ARHGAP24: variants seen among roughly 807,000 people sequenced by gnomAD.
The protein encoded by ARHGAP24 is Rho GTPase activating protein 24.
In ARHGAP24, 50 loss-of-function variants were observed where a neutral mutation model predicts 76.4. The ratio of observed to expected loss-of-function variants is 0.65; its 90% confidence interval spans 0.52 to 0.83. The LOEUF (loss-of-function observed/expected upper bound fraction) is 0.83, where lower values mean the gene tolerates loss of function less well. Ranked by LOEUF, ARHGAP24 falls within the 40% of genes least tolerant of loss-of-function variation. The pLI is 0.00. For synonymous variants in ARHGAP24, 345 were observed against 323.3 expected (o/e 1.07, Z -0.72); for missense variants, 930 against 914.2 (o/e 1.02, Z -0.22).
chr4:85,801,251 G>T (rs1455280282), intron 3 of ARHGAP24, among the ~76,000 whole-genome samples: 1 of 152,052 alleles, frequency 6.6e-6, no homozygotes, highest in Non-Finnish European at 1.5e-5. Flanking sequence ...ATGCCCACCA[G>T]ATTAGTAGAA....
At chr4:85,475,837 A>G (rs1273343861) in intron 1 of ARHGAP24, among the ~76,000 whole-genome samples, 4 of 151,752 alleles carry the variant, frequency 2.6e-5, no homozygotes, top group African/African-American at 7.3e-5. Context: ...AGCTGGTAGT[A>G]TGTCTTTCTG....
chr4:85,894,094 TATA>T (rs968926157), intron 3 of ARHGAP24, among the ~76,000 whole-genome samples: 4 of 17,004 alleles, frequency 2.4e-4, no homozygotes, highest in Admixed American at 7.6e-4. Flanking sequence ...AAACTTAGAG[TATA>T]ATAAAAAAAA....
At chr4:85,924,344 A>G (rs1735900307) in intron 4 of ARHGAP24, among the ~76,000 whole-genome samples, 2 of 152,140 alleles carry the variant, frequency 1.3e-5, no homozygotes, top group South Asian at 4.1e-4. Context: ...TATGCATAGA[A>G]CTGAACAAAG....
At chr4:85,997,344 AG>A in intron 9 of ARHGAP24, among the ~76,000 whole-genome samples, 1 of 137,620 alleles carries the variant, frequency 7.3e-6, no homozygotes, top group African/African-American at 3.6e-5. Flanking sequence ...AGATAGATAG[AG>A]AGATAGATAA....
At chr4:85,958,154 C>A (rs1037088513) in intron 5 of ARHGAP24, among the ~76,000 whole-genome samples, 37 of 152,160 alleles carry the variant, frequency 2.4e-4, no homozygotes, top group African/African-American at 8.9e-4. Flanking sequence ...CTGCCACTTA[C>A]TACCCATGTT....
intron 3 of ARHGAP24, chr4:85,827,808 T>C (rs1729795458): frequency 1.2e-6 from 1 of 823,872 alleles, no homozygotes; most frequent in East Asian, 6.5e-5. Context: ...TGGTTTCCAT[T>C]CCTGGGTGAT....
At chr4:85,877,035 C>T (rs181154227) in intron 3 of ARHGAP24, among the ~76,000 whole-genome samples, 8 of 152,042 alleles carry the variant, frequency 5.3e-5, no homozygotes, top group South Asian at 2.1e-4. Flanking sequence ...TCATGTAAAT[C>T]GTCAGTTATA....
chr4:85,797,457 G>A (rs1394805191), intron 3 of ARHGAP24, among the ~76,000 whole-genome samples: 1 of 152,254 alleles, frequency 6.6e-6, no homozygotes, highest in Non-Finnish European at 1.5e-5. Context: ...ACAGGCGTGA[G>A]CCACTGCGCC....
intron 2 of ARHGAP24, among the ~76,000 whole-genome samples, chr4:85,628,580 A>G (rs1408652679): frequency 6.6e-6 from 1 of 152,154 alleles, no homozygotes; most frequent in South Asian, 2.1e-4. Context: ...TAATCTGCCC[A>G]TTATTGGTAG....
At chr4:85,575,122 C>G (rs1026879152) in intron 2 of ARHGAP24, among the ~76,000 whole-genome samples, 1 of 151,948 alleles carries the variant, frequency 6.6e-6, no homozygotes, top group African/African-American at 2.4e-5. Context: ...TCCTCATTAT[C>G]CTGTAATTTT....
chr4:85,900,242 T>TTCTA (rs1168004220), intron 3 of ARHGAP24, among the ~76,000 whole-genome samples: 1 of 152,194 alleles, frequency 6.6e-6, no homozygotes, highest in East Asian at 1.9e-4. Flanking sequence ...AATATCAGTA[T>TTCTA]TCTATCAGTA....
At chr4:85,479,744 G>A (rs2110086458) in intron 1 of ARHGAP24, among the ~76,000 whole-genome samples, 1 of 152,282 alleles carries the variant, frequency 6.6e-6, no homozygotes. Flanking sequence ...TTTGTCTGCA[G>A]TTATTTTTGC....
intron 3 of ARHGAP24, among the ~76,000 whole-genome samples, chr4:85,846,530 T>C (rs1404265762): frequency 6.6e-6 from 1 of 152,228 alleles, no homozygotes; most frequent in African/African-American, 2.4e-5. Context: ...AGTGTTCTTC[T>C]GAAGTCAACA....
rs1485212266 is a variant in ARHGAP24, at chr4:85,826,238, A to G, written c.269-97410A>G. ...GCCCAGATGCATTTGTTACTGAATA[A>G]CTCAGCAGTGAACTTGGCATTCCAT... On this transcript the variant is annotated intron_variant, in intron 3 of 9. Transcript: ENST00000395184. Among the ~76,000 whole-genome samples the G allele has an allele frequency of 2.0e-5, 3 of 152,268 alleles. No homozygotes were observed. In the East Asian group the frequency reaches 5.8e-4, roughly 29 times the overall value.
chr4:85,578,383 G>A (rs777623713), intron 2 of ARHGAP24, among the ~76,000 whole-genome samples: 52 of 152,194 alleles, frequency 3.4e-4, no homozygotes, highest in Non-Finnish European at 1.9e-4. Flanking sequence ...GAAAAGCACA[G>A]AGGATATCTT....
Position 85,995,393 on chromosome 4 carries a change from A to C in ARHGAP24, c.1739A>C (p.Glu580Ala), listed in dbSNP as rs201383289. 4 of 1,613,300 alleles carry C rather than the reference A, an allele frequency of 2.5e-6. No homozygotes were observed. Among genetic ancestry groups the C allele is most frequent in the Non-Finnish European group, 3.4e-6 (4 of 1,179,346 alleles). ...CGCTCTTCTACCACCACCTGCCCAG[A>C]GCAAGACTTTTTTGGGGGGAACTTT... The part of the protein sequence containing the change: ...SCRSSTTTCP[E>A]QDFFGGNFED... The change falls in exon 9 of 10, where the codon GAG becomes GCG. Residue 580 changes from glutamate to alanine, a missense_variant. Glu to Ala is a moderately radical substitution (Grantham distance 107). Coordinates refer to ENST00000395184, the MANE Select transcript of ARHGAP24 (RefSeq NM_001025616.3).
chr4:85,991,421 A>G (rs1470486157), intron 8 of ARHGAP24: 1 of 152,178 alleles, frequency 6.6e-6, no homozygotes, highest in South Asian at 2.1e-4. Flanking sequence ...GTTCATATCA[A>G]CACTATTCAT....
chr4:85,477,009 T>G (rs1252458480), intron 1 of ARHGAP24, among the ~76,000 whole-genome samples: 1 of 152,156 alleles, frequency 6.6e-6, no homozygotes, highest in African/African-American at 2.4e-5. Flanking sequence ...AGACTTCACC[T>G]TTGACATCTT....
rs574145435 is a variant in ARHGAP24 at position 85,994,949 on chromosome 4, T to A, written c.1295T>A (p.Ile432Lys). 6.2e-7 allele frequency: 1 copy of A among 1,614,080 alleles called. No homozygotes were observed. The highest frequency in any genetic ancestry group is 1.3e-5 in the African/African-American group (1 of 75,002). ...KNPAFNKGSG[I>K]VTNGSFSSSN... ...CCAGCCTTTAATAAGGGTAGTGGGA[T>A]AGTTACCAATGGGTCCTTCAGCAGC... Residue 432 changes from isoleucine (I) to lysine (K), a missense_variant, in exon 9 of 10, where the codon ATA (isoleucine) becomes AAA (lysine). Coordinates refer to ENST00000395184, the MANE Select transcript of ARHGAP24 (RefSeq NM_001025616.3).
Sources: gnomAD v4.1 joint callset for allele counts (sites outside exome capture counted in the v4.1 genomes callset) on GRCh38, gnomAD v4.1.1 for gene constraint, MANE v1.5 for transcripts, NCBI Gene and HGNC (gene_info 2026-07-23, HGNC 2026-07-21) for gene names.